The following KAZN variants were observed in gnomAD, a reference collection of about 807,000 sequenced individuals.
KAZN encodes kazrin, periplakin interacting protein, also known as kazrin.
In KAZN, 40 loss-of-function variants were observed where a neutral mutation model predicts 87.4. The observed-to-expected ratio is 0.46, with a 90% CI of 0.36 to 0.60. The LOEUF (loss-of-function observed/expected upper bound fraction) is 0.60, where lower values mean the gene tolerates loss of function less well. Among genes scored for constraint, KAZN ranks in the 20% least tolerant of loss-of-function variants. The pLI, the probability that KAZN is intolerant of heterozygous loss-of-function variation, is 0.00. For missense variants in KAZN, 898 were observed against 1,073.9 expected (o/e 0.84, Z 2.29); for synonymous variants, 466 against 458.3 (o/e 1.02, Z -0.22).
intron 1 of KAZN, among the ~76,000 whole-genome samples, chr1:14,125,766 A>G (rs1039113465): frequency 9.9e-5 from 15 of 152,104 alleles, no homozygotes; most frequent in Non-Finnish European, 2.2e-4. Flanking sequence ...AAAAGCATCC[A>G]TGGAAGAAAC....
At chr1:14,129,044 T>A (rs527912161) in intron 1 of KAZN, among the ~76,000 whole-genome samples, 4 of 152,188 alleles carry the variant, frequency 2.6e-5, no homozygotes, top group Non-Finnish European at 5.9e-5. Flanking sequence ...ATGGACTCAC[T>A]TCCCTTGCTC....
intron 2 of KAZN, among the ~76,000 whole-genome samples, chr1:14,314,111 A>G (rs1655486399): frequency 6.6e-6 from 1 of 152,136 alleles, no homozygotes; most frequent in African/African-American, 2.4e-5. Flanking sequence ...CCCATGGGCT[A>G]TTTCTTTCCA....
At chr1:14,047,042 T>C (rs1445361215) in intron 1 of KAZN, among the ~76,000 whole-genome samples, 1 of 152,176 alleles carries the variant, frequency 6.6e-6, no homozygotes, top group East Asian at 1.9e-4. Flanking sequence ...TTCCTTTGTC[T>C]GTCCACCCAT....
intron 2 of KAZN, among the ~76,000 whole-genome samples, chr1:14,494,962 G>A (rs537287225): frequency 4.3e-4 from 66 of 152,164 alleles, no homozygotes; most frequent in Non-Finnish European, 8.8e-4. Context: ...AGCACAGAGA[G>A]CACCAGTGAA....
At chr1:14,103,951 A>G (rs1644314211) in intron 1 of KAZN, among the ~76,000 whole-genome samples, 2 of 152,184 alleles carry the variant, frequency 1.3e-5, no homozygotes, top group African/African-American at 4.8e-5. Context: ...TGTAGGCAAC[A>G]TCTCTTTACT....
At chr1:15,043,767 C>T (rs1470464377) in intron 3 of KAZN, among the ~76,000 whole-genome samples, 4 of 151,620 alleles carry the variant, frequency 2.6e-5, no homozygotes, top group South Asian at 2.1e-4. Flanking sequence ...CTCAGCCTCC[C>T]GAGTAGCTGG....
Position 14,581,831 on chromosome 1 carries a change from T to C in KAZN, c.250-17152T>C, listed in dbSNP as rs531994071. Among the ~76,000 whole-genome samples the C allele has an allele frequency of 2.3e-3, 354 of 152,316 alleles. 2 individuals are homozygous for C. Among genetic ancestry groups the C allele is most frequent in the African/African-American group, 8.0e-3 (331 of 41,590 alleles). Reference sequence around the variant, plus strand: ...TTCAGGTCTCTACTCAATGTCACCTTACTGGATAAGTCAGGTTCCCCAACC... The same window carrying C: ...TTCAGGTCTCTACTCAATGTCACCTCACTGGATAAGTCAGGTTCCCCAACC... On this transcript the variant is annotated intron_variant, in intron 2 of 16. Coordinates refer to the KAZN transcript ENST00000636203.
intron 1 of KAZN, among the ~76,000 whole-genome samples, chr1:14,760,995 G>A (rs1335084491): frequency 2.6e-5 from 4 of 152,146 alleles, no homozygotes; most frequent in Non-Finnish European, 5.9e-5. Context: ...TATTCATAAA[G>A]ACAGGCAGCG....
At chr1:14,877,701 G>A (rs1652922496) in intron 1 of KAZN, among the ~76,000 whole-genome samples, 1 of 152,192 alleles carries the variant, frequency 6.6e-6, no homozygotes, top group African/African-American at 2.4e-5. Context: ...TAACATGTGT[G>A]TAATAATAGT....
intron 1 of KAZN, among the ~76,000 whole-genome samples, chr1:13,949,848 T>C (rs1258231542): frequency 6.6e-6 from 1 of 152,186 alleles, no homozygotes; most frequent in African/African-American, 2.4e-5. Flanking sequence ...ACGGGGAAGC[T>C]GCTGCTCAAA....
At chr1:14,801,128 G>A (rs1009234721) in intron 1 of KAZN, among the ~76,000 whole-genome samples, 1 of 151,926 alleles carries the variant, frequency 6.6e-6, no homozygotes, top group Non-Finnish European at 1.5e-5. Context: ...CGTTCTAATC[G>A]TCGCGGCAAA....
intron 1 of KAZN, among the ~76,000 whole-genome samples, chr1:13,994,038 G>A (rs184655396): frequency 2.1e-4 from 32 of 152,298 alleles, no homozygotes; most frequent in South Asian, 2.1e-3. Context: ...AAAGGACCTC[G>A]TTCCACTGTT....
intron 2 of KAZN, among the ~76,000 whole-genome samples, chr1:14,326,763 TA>T (rs1557641519): frequency 6.6e-6 from 1 of 152,192 alleles, no homozygotes; most frequent in Non-Finnish European, 1.5e-5. Context: ...ACTTTGCACT[TA>T]ACATTCCAAT....
At chr1:14,802,774 T>C (rs1348429324) in intron 1 of KAZN, among the ~76,000 whole-genome samples, 1 of 152,174 alleles carries the variant, frequency 6.6e-6, no homozygotes, top group Non-Finnish European at 1.5e-5. Context: ...TTAAATGTGA[T>C]GATTAACAGG....
chr1:14,873,033 T>C (rs1391638910), intron 1 of KAZN, among the ~76,000 whole-genome samples: 1 of 151,310 alleles, frequency 6.6e-6, no homozygotes, highest in Non-Finnish European at 1.5e-5. Context: ...GGTGGGTGGA[T>C]AGATAGATGA....
chr1:14,748,433 C>T (rs74507546), intron 1 of KAZN, among the ~76,000 whole-genome samples: 3,691 of 152,236 alleles, frequency 0.024, 171 homozygotes, highest in African/African-American at 0.085. Context: ...TTGGGGCAAG[C>T]TGACCTTCTT....
intron 2 of KAZN, among the ~76,000 whole-genome samples, chr1:14,241,841 T>C (rs1232729003): frequency 6.6e-6 from 1 of 152,178 alleles, no homozygotes; most frequent in Admixed American, 6.5e-5. Flanking sequence ...ATCTGTCTCT[T>C]AAAAAAATTC....
chr1:15,050,981 G>C (rs1223387966), intron 4 of KAZN, among the ~76,000 whole-genome samples: 1 of 152,196 alleles, frequency 6.6e-6, no homozygotes, highest in East Asian at 1.9e-4. Context: ...TTCCCCCCAA[G>C]GAGAAGAACT....
intron 2 of KAZN, among the ~76,000 whole-genome samples, chr1:14,212,280 T>C (rs1325459229): frequency 1.3e-5 from 2 of 152,158 alleles, no homozygotes; most frequent in African/African-American, 4.8e-5. Flanking sequence ...GGAGGGGAGC[T>C]GTGATTGACG....
Sources: allele counts gnomAD v4.1 joint callset (sites outside exome capture counted in the v4.1 genomes callset), GRCh38; gene constraint gnomAD v4.1.1; transcripts MANE v1.5; gene names NCBI Gene and HGNC (gene_info 2026-07-23, HGNC 2026-07-21).